STXBP5L: variants seen among roughly 807,000 people sequenced by gnomAD.
STXBP5L encodes syntaxin-binding protein 5-like.
A neutral mutation model predicts 144.5 loss-of-function variants in STXBP5L; 65 were observed. The ratio of observed to expected loss-of-function variants is 0.45; its 90% confidence interval spans 0.37 to 0.55. The LOEUF (loss-of-function observed/expected upper bound fraction) is 0.55. Ranked by LOEUF, STXBP5L falls within the 20% of genes least tolerant of loss-of-function variation. The pLI, the probability that STXBP5L is intolerant of heterozygous loss-of-function variation, is 0.00. For missense variants in STXBP5L, 1,298 were observed against 1,405.5 expected (o/e 0.92, Z 1.22); for synonymous variants, 505 against 469.6 (o/e 1.08, Z -0.97).
At chr3:121,121,241 T>G (rs746763246) in intron 6 of STXBP5L, among the ~76,000 whole-genome samples, 28 of 151,282 alleles carry the variant, frequency 1.9e-4, no homozygotes, top group Non-Finnish European at 2.4e-4. Flanking sequence ...AAGGAAATCT[T>G]AAATCAGGTA....
intron 8 of STXBP5L, among the ~76,000 whole-genome samples, chr3:121,153,323 C>CT (rs1443421908): frequency 6.6e-6 from 1 of 151,958 alleles, no homozygotes; most frequent in East Asian, 1.9e-4. Context: ...GGGAAATTAC[C>CT]TTTTGTACCT....
chr3:121,140,297 A>G (rs2045442586), intron 7 of STXBP5L, among the ~76,000 whole-genome samples: 1 of 152,130 alleles, frequency 6.6e-6, no homozygotes, highest in African/African-American at 2.4e-5. Context: ...AGGTAATGTA[A>G]ATTGGTATAA....
chr3:121,244,100 A>T (rs757152841), intron 14 of STXBP5L, among the ~76,000 whole-genome samples: 1 of 152,114 alleles, frequency 6.6e-6, no homozygotes. Context: ...GTATTACCTG[A>T]CAAAGAGTTC....
At chr3:120,961,673 T>G (rs1288483584) in intron 3 of STXBP5L, among the ~76,000 whole-genome samples, 2 of 152,226 alleles carry the variant, frequency 1.3e-5, no homozygotes, top group African/African-American at 4.8e-5. Context: ...CAGTCTATCA[T>G]TGATGGACAT....
intron 7 of STXBP5L, among the ~76,000 whole-genome samples, chr3:121,135,899 C>G (rs1011341873): frequency 4.6e-5 from 7 of 152,204 alleles, no homozygotes; most frequent in Admixed American, 2.0e-4. Context: ...CAAGCCCCCA[C>G]TAATCCTCAG....
At chr3:121,079,572 CCTT>C (rs1191954892) in intron 5 of STXBP5L, among the ~76,000 whole-genome samples, 1 of 152,166 alleles carries the variant, frequency 6.6e-6, no homozygotes, top group African/African-American at 2.4e-5. Flanking sequence ...TTTATTAATT[CCTT>C]CTTCAAACCC....
intron 20 of STXBP5L, among the ~76,000 whole-genome samples, chr3:121,320,604 G>A (rs553337732): frequency 7.2e-4 from 109 of 151,792 alleles, no homozygotes; most frequent in African/African-American, 2.5e-3. Context: ...TCAGTTTTTG[G>A]TAGATATGCT....
chr3:121,078,619 C>T, intron 5 of STXBP5L, among the ~76,000 whole-genome samples: 1 of 152,240 alleles, frequency 6.6e-6, no homozygotes, highest in East Asian at 1.9e-4. Context: ...CACACAGGAG[C>T]CCACGGAGTG....
rs1237062885 is a variant in STXBP5L at position 121,045,423 on chromosome 3, T to C, written c.370-12T>C. 6.3e-7 allele frequency: 1 copy of C among 1,593,088 alleles called. No homozygotes were observed. Among genetic ancestry groups the C allele is most frequent in the Non-Finnish European group, 8.5e-7 (1 of 1,173,016 alleles). On this transcript the variant is annotated splice_polypyrimidine_tract_variant and intron_variant, in intron 4 of 26. Coordinates refer to ENST00000471454, the MANE Select transcript of STXBP5L (RefSeq NM_001308330.2). The stretch of plus-strand genomic sequence containing the variant: ...TAAATCACACACTTACTTTATCTTC[T>C]TTTTGTTCTAGGGTGCCTTGGTCAG...
chr3:121,079,774 G>A (rs950366599), intron 5 of STXBP5L, among the ~76,000 whole-genome samples: 6 of 152,144 alleles, frequency 3.9e-5, no homozygotes, highest in South Asian at 2.1e-4. Flanking sequence ...TGTTCCCCAC[G>A]CTGATGAGAA....
intron 20 of STXBP5L, among the ~76,000 whole-genome samples, chr3:121,352,401 C>A (rs961481759): frequency 3.9e-5 from 6 of 152,058 alleles, no homozygotes; most frequent in African/African-American, 1.4e-4. Context: ...TCCTTCACAT[C>A]CCTTGTAAGC....
intron 22 of STXBP5L, among the ~76,000 whole-genome samples, chr3:121,385,084 T>A (rs1204079184): frequency 6.6e-6 from 1 of 152,066 alleles, no homozygotes; most frequent in Non-Finnish European, 1.5e-5. Context: ...AAATTCATGA[T>A]TAAAGTCAAG....
chr3:121,093,773 A>T (rs961588570), intron 5 of STXBP5L, among the ~76,000 whole-genome samples: 1 of 151,820 alleles, frequency 6.6e-6, no homozygotes, highest in Non-Finnish European at 1.5e-5. Context: ...CTATTTCCTT[A>T]AGTTCTGTTC....
rs1296948886 is a variant in STXBP5L, at chr3:121,402,449, C to A, written c.2588-4794C>A. Among the ~76,000 whole-genome samples the A allele has an allele frequency of 4.6e-5, 7 of 152,168 alleles. No homozygotes were observed. In the South Asian group the frequency reaches 8.3e-4, roughly 18 times the overall value. ...CTATTGATCCTACCATTTTCATTGTCATTCACCCCCTTCATGTTCCCCCTT... is the reference window on the plus strand; with the variant it reads ...CTATTGATCCTACCATTTTCATTGTAATTCACCCCCTTCATGTTCCCCCTT... On this transcript the variant is annotated intron_variant, in intron 22 of 26. Transcript: ENST00000471454.
chr3:121,286,440 CTT>C (rs560770419), intron 19 of STXBP5L, among the ~76,000 whole-genome samples: 2 of 152,090 alleles, frequency 1.3e-5, no homozygotes, highest in Non-Finnish European at 2.9e-5. Flanking sequence ...CTGAGCATCT[CTT>C]GTGTCAAACA....
rs558802516 is a variant in STXBP5L at position 121,145,974 on chromosome 3, A to G, written c.670-6503A>G. On this transcript the variant is annotated intron_variant, in intron 7 of 26. Transcript: ENST00000471454. ...GACGAAAGGTGAATTTGCTCTCTCT[A>G]CTGGAACTGGGACATCTATCCTTTC... is the stretch of plus-strand genomic sequence containing the variant. 6.4e-4 allele frequency among the ~76,000 whole-genome samples: 98 copies of G among 152,164 alleles called. 1 individual carries two copies. The South Asian group carries it at 0.02, about 31-fold the overall frequency.
intron 10 of STXBP5L, among the ~76,000 whole-genome samples, chr3:121,217,707 A>G (rs2048827716): frequency 6.6e-6 from 1 of 152,086 alleles, no homozygotes; most frequent in South Asian, 2.1e-4. Flanking sequence ...TTGAGCCATG[A>G]GGATTTCTTA....
chr3:121,359,795 C>G (rs948076056), intron 20 of STXBP5L, among the ~76,000 whole-genome samples: 5 of 151,642 alleles, frequency 3.3e-5, no homozygotes, highest in African/African-American at 1.2e-4. Context: ...TATTCTGTCC[C>G]ATTGGTCAAT....
At chr3:121,189,028 T>C (rs2047520691) in intron 9 of STXBP5L, among the ~76,000 whole-genome samples, 1 of 152,228 alleles carries the variant, frequency 6.6e-6, no homozygotes, top group Non-Finnish European at 1.5e-5. Flanking sequence ...TGTCCCAGTT[T>C]GCAGATGACA....
Sources: allele counts gnomAD v4.1 joint callset (sites outside exome capture counted in the v4.1 genomes callset), GRCh38; gene constraint gnomAD v4.1.1; transcripts MANE v1.5; gene names NCBI Gene and HGNC (gene_info 2026-07-23, HGNC 2026-07-21).